The following FILIP1 variants were observed in gnomAD, a reference collection of about 807,000 sequenced individuals.
FILIP1 encodes filamin-A-interacting protein 1.
Under a neutral mutation model 102.1 loss-of-function variants are expected in FILIP1, and 61 were observed. The ratio of observed to expected loss-of-function variants is 0.60; its 90% CI spans 0.49 to 0.74. The LOEUF is 0.74. Among genes scored for constraint, FILIP1 ranks in the 30% least tolerant of loss-of-function variants. The pLI is 0.00. For synonymous variants in FILIP1, 491 were observed against 526.9 expected (o/e 0.93, Z 0.93); for missense variants, 1,314 against 1,441.2 (o/e 0.91, Z 1.43).
At chr6:75,437,611 G>C (rs1043958349) in intron 1 of FILIP1, among the ~76,000 whole-genome samples, 40 of 152,170 alleles carry the variant, frequency 2.6e-4, no homozygotes, top group African/African-American at 9.2e-4. Context: ...CCAAAAAGAT[G>C]ATGTCAAAGA....
At chr6:75,482,732 G>A (rs1313193399) in intron 1 of FILIP1, among the ~76,000 whole-genome samples, 1 of 152,166 alleles carries the variant, frequency 6.6e-6, no homozygotes, top group African/African-American at 2.4e-5. Context: ...AGAAAACTGA[G>A]AAGCAGAGAA....
intron 1 of FILIP1, among the ~76,000 whole-genome samples, chr6:75,441,842 C>T (rs1778258030): frequency 6.8e-6 from 1 of 146,332 alleles, no homozygotes; most frequent in African/African-American, 2.6e-5. Flanking sequence ...GGGGCTGGCC[C>T]CCCCACCTCC....
At position 75,312,557 on chromosome 6, in the gene FILIP1, A is replaced by G. The variant is rs1357072246; in HGVS notation, c.3275T>C (p.Val1092Ala). ...TTCGGCTGTCACGTTTACTGGTCGG[A>G]CAGTAATAACTGGACTGACTCCTTC... Reference protein sequence around the residue: ...SGEGVSPVITVRPVNVTAEKE... With the variant: ...SGEGVSPVITARPVNVTAEKE... The change falls in exon 5 of 6, where the codon GTC (valine) becomes GCC (alanine). Residue 1092 changes from valine to alanine, a missense_variant. Val to Ala is a moderately conservative substitution (Grantham distance 64). This residue lies in a region of FILIP1 where 816 missense variants were observed against 913.1 expected (regional missense o/e 0.89). Coordinates refer to ENST00000237172, the MANE Select transcript of FILIP1 (RefSeq NM_015687.5). 1.2e-6 allele frequency: 2 copies of G among 1,614,208 alleles called. No homozygotes were observed. Among genetic ancestry groups the G allele is most frequent in the South Asian group, 1.1e-5 (1 of 91,082 alleles).
intron 2 of FILIP1, among the ~76,000 whole-genome samples, chr6:75,379,338 C>T (rs1305294020): frequency 6.6e-6 from 1 of 152,104 alleles, no homozygotes; most frequent in African/African-American, 2.4e-5. Context: ...ATTCAGATGC[C>T]TTTTGCATAT....
chr6:75,375,851 T>C (rs187097576), intron 2 of FILIP1, among the ~76,000 whole-genome samples: 1 of 152,316 alleles, frequency 6.6e-6, no homozygotes, highest in East Asian at 1.9e-4. Flanking sequence ...TTTGACCAAG[T>C]TAGCAAAACT....
At chr6:75,339,685 C>A (rs1314952711) in intron 4 of FILIP1, among the ~76,000 whole-genome samples, 1 of 152,198 alleles carries the variant, frequency 6.6e-6, no homozygotes, top group Non-Finnish European at 1.5e-5. Flanking sequence ...CAGTGGCTCA[C>A]ACCTGTAATC....
chr6:75,316,698 C>T (rs1202521421), intron 4 of FILIP1, among the ~76,000 whole-genome samples: 1 of 152,112 alleles, frequency 6.6e-6, no homozygotes, highest in Admixed American at 6.5e-5. Context: ...TAAACTAATG[C>T]ATACCCTCCA....
intron 4 of FILIP1, among the ~76,000 whole-genome samples, chr6:75,335,332 A>G (rs372347003): frequency 3.4e-4 from 52 of 152,282 alleles, no homozygotes; most frequent in African/African-American, 1.2e-3. Flanking sequence ...AATGGCAAAA[A>G]CTGCTGTCTG....
chr6:75,465,772 A>G (rs942694533), intron 1 of FILIP1, among the ~76,000 whole-genome samples: 4 of 152,192 alleles, frequency 2.6e-5, no homozygotes, highest in Admixed American at 1.3e-4. Context: ...GCTATAACAA[A>G]AATAAAACCA....
At chr6:75,379,677 C>T (rs779910704) in intron 2 of FILIP1, among the ~76,000 whole-genome samples, 1 of 152,150 alleles carries the variant, frequency 6.6e-6, no homozygotes, top group African/African-American at 2.4e-5. Flanking sequence ...CTGCACTGGC[C>T]TCCTTGTTGT....
intron 1 of FILIP1, among the ~76,000 whole-genome samples, chr6:75,438,992 G>A (rs1778114428): frequency 1.3e-5 from 2 of 152,194 alleles, no homozygotes; most frequent in South Asian, 2.1e-4. Flanking sequence ...CAAACAGGCT[G>A]CTGACCAATG....
intron 6 of FILIP1, among the ~76,000 whole-genome samples, chr6:75,301,509 T>A (rs769043335): frequency 1.3e-5 from 2 of 152,228 alleles, no homozygotes; most frequent in Non-Finnish European, 2.9e-5. Context: ...CCTCTTGATC[T>A]CTAAGGTCTA....
chr6:75,433,600 A>G (rs917174088), intron 1 of FILIP1, among the ~76,000 whole-genome samples: 2 of 152,186 alleles, frequency 1.3e-5, no homozygotes, highest in Admixed American at 1.3e-4. Flanking sequence ...TAGATTCTAA[A>G]AATTTTCTCC....
At chr6:75,453,233 G>A (rs1778696228) in intron 1 of FILIP1, among the ~76,000 whole-genome samples, 1 of 152,102 alleles carries the variant, frequency 6.6e-6, no homozygotes, top group Non-Finnish European at 1.5e-5. Context: ...TCTTCTCCAT[G>A]AAATGTATTT....
Position 75,308,671 on chromosome 6 carries a change from T to A in FILIP1, c.*20A>T. On this transcript the variant is annotated 3_prime_UTR_variant, in exon 6 of 6. Coordinates refer to ENST00000237172, the MANE Select transcript of FILIP1 (RefSeq NM_015687.5). ...CGGCAGCAGTAGCATCTGCACAACA[T>A]ACCCCCTTAGCCACTGCCCTCAGCC... 1 of 1,612,132 alleles carries A rather than the reference T, an allele frequency of 6.2e-7. No homozygotes were observed.
intron 1 of FILIP1, among the ~76,000 whole-genome samples, chr6:75,466,643 T>C (rs1198016666): frequency 6.6e-6 from 1 of 152,182 alleles, no homozygotes; most frequent in Non-Finnish European, 1.5e-5. Context: ...TCTACAAAGG[T>C]AAAACTATTG....
chr6:75,344,912 C>T (rs1378457795), intron 4 of FILIP1, among the ~76,000 whole-genome samples: 2 of 152,180 alleles, frequency 1.3e-5, no homozygotes, highest in Non-Finnish European at 1.5e-5. Flanking sequence ...GAGCAAGATG[C>T]CAACTCTAAA....
chr6:75,469,798 T>G (rs1779278313), intron 1 of FILIP1, among the ~76,000 whole-genome samples: 1 of 152,082 alleles, frequency 6.6e-6, no homozygotes, highest in Non-Finnish European at 1.5e-5. Context: ...ACTGGCTAAC[T>G]TAGTCATATG....
chr6:75,454,094 A>G (rs1056728969), intron 1 of FILIP1: 18 of 444,728 alleles, frequency 4.0e-5, no homozygotes, highest in Non-Finnish European at 8.1e-5. Context: ...TCTCTCAATG[A>G]TAAAATCAAG....
Sources: gnomAD v4.1 joint callset for allele counts (sites outside exome capture counted in the v4.1 genomes callset) on GRCh38, gnomAD v4.1.1 for gene constraint, gnomAD v4.1.1 regional missense constraint, MANE v1.5 for transcripts, NCBI Gene and HGNC (gene_info 2026-07-23, HGNC 2026-07-21) for gene names.